The following HDAC9 variants were observed in gnomAD, a reference collection of about 807,000 sequenced individuals.
HDAC9 encodes the protein MEF-2 interacting transcription repressor (MITR) protein.
HDAC9 carries 41 observed loss-of-function variants against 139.4 expected under a neutral mutation model. The ratio of observed to expected loss-of-function variants is 0.29; its 90% CI spans 0.23 to 0.38. The LOEUF is 0.38. HDAC9 is among the 10% of genes least tolerant of loss of function. HDAC9 has a pLI of 1.00. For synonymous variants in HDAC9, 517 were observed against 476.2 expected, an observed-to-expected ratio of 1.09 and a Z score of -1.12; for missense variants, 1,147 against 1,297.0, an observed-to-expected ratio of 0.88 and a Z score of 1.78.
chr7:18,771,789 GACC>G (rs1790318557), intron 16 of HDAC9, among the ~76,000 whole-genome samples: 1 of 152,048 alleles, frequency 6.6e-6, no homozygotes. Flanking sequence ...TTTGTTTTAT[GACC>G]ACATCTATGG....
At chr7:18,312,652 C>G (rs1348736934) in intron 1 of HDAC9, among the ~76,000 whole-genome samples, 1 of 152,100 alleles carries the variant, frequency 6.6e-6, no homozygotes, top group Non-Finnish European at 1.5e-5. Flanking sequence ...AGAAGCTTCA[C>G]AACTCTCTGG....
chr7:18,181,571 C>T (rs1445416906), intron 2 of HDAC9, among the ~76,000 whole-genome samples: 1 of 152,126 alleles, frequency 6.6e-6, no homozygotes, highest in Non-Finnish European at 1.5e-5. Context: ...TCAAAGCACG[C>T]ATCAGCTTAA....
intron 17 of HDAC9, among the ~76,000 whole-genome samples, chr7:18,821,045 T>G (rs1018184306): frequency 6.6e-6 from 1 of 152,198 alleles, no homozygotes; most frequent in Non-Finnish European, 1.5e-5. Flanking sequence ...TGTGAGGTCT[T>G]TCTCTGCCTC....
chr7:18,532,210 A>C (rs984750701), intron 2 of HDAC9, among the ~76,000 whole-genome samples: 2 of 152,140 alleles, frequency 1.3e-5, no homozygotes, highest in Non-Finnish European at 2.9e-5. Context: ...AGATCACACC[A>C]CTGCAGTCCA....
intron 2 of HDAC9, among the ~76,000 whole-genome samples, chr7:18,172,717 T>C (rs1788548947): frequency 6.6e-6 from 1 of 152,230 alleles, no homozygotes; most frequent in Admixed American, 6.5e-5. Context: ...TACCCAGTAG[T>C]CATTCAGGAG....
chr7:18,341,929 A>T (rs1782044648), intron 1 of HDAC9, among the ~76,000 whole-genome samples: 1 of 151,850 alleles, frequency 6.6e-6, no homozygotes, highest in Non-Finnish European at 1.5e-5. Flanking sequence ...AGGCATGACT[A>T]GAGTAATGCT....
At chr7:18,668,556 C>G (rs1043565989) in intron 12 of HDAC9, 1 of 975,518 alleles carries the variant, frequency 1.0e-6, no homozygotes, top group African/African-American at 1.8e-5. Context: ...TTTATAATGT[C>G]ATTTGAGAGA....
At chr7:18,513,013 A>T (rs1226128264) in intron 2 of HDAC9, among the ~76,000 whole-genome samples, 2 of 152,244 alleles carry the variant, frequency 1.3e-5, no homozygotes, top group East Asian at 1.9e-4. Context: ...TTGCATCACA[A>T]ATCAATGGAA....
intron 23 of HDAC9, among the ~76,000 whole-genome samples, chr7:18,937,287 C>T (rs1299259717): frequency 3.3e-5 from 5 of 152,068 alleles, no homozygotes; most frequent in Admixed American, 6.6e-5. Context: ...ATCTGCCCGC[C>T]TCGGCCTCCC....
chr7:18,894,636 G>C (rs577899970), intron 22 of HDAC9, among the ~76,000 whole-genome samples: 1 of 152,160 alleles, frequency 6.6e-6, no homozygotes, highest in Non-Finnish European at 1.5e-5. Context: ...TTATTCTAAC[G>C]GGGAAGAGAT....
At chr7:18,267,723 C>T (rs999615227) in intron 2 of HDAC9, among the ~76,000 whole-genome samples, 21 of 152,026 alleles carry the variant, frequency 1.4e-4, no homozygotes, top group African/African-American at 5.1e-4. Flanking sequence ...TCATTTCATA[C>T]TTTGGCTGTT....
rs537813777 is a variant in HDAC9, at chr7:18,921,901, A to G, written c.2804-13908A>G. Among the ~76,000 whole-genome samples the G allele has an allele frequency of 2.8e-4, 43 of 152,280 alleles. No individual in the cohort carries two copies. The South Asian group carries it at 8.5e-3, about 30-fold the overall frequency. On this transcript the variant is annotated intron_variant, in intron 22 of 25. Coordinates refer to ENST00000686413, the MANE Select transcript of HDAC9 (RefSeq NM_178425.4). ...CACTATGGAATACTATGCAGCCATAACAAAGGATGAGTTCATGTCCTTTGT... is the reference window on the plus strand; with the variant it reads ...CACTATGGAATACTATGCAGCCATAGCAAAGGATGAGTTCATGTCCTTTGT...
At chr7:18,732,931 A>ATACACACGTGTATGTGTG (rs1786415806) in intron 13 of HDAC9, among the ~76,000 whole-genome samples, 1 of 74,730 alleles carries the variant, frequency 1.3e-5, no homozygotes, top group Non-Finnish European at 2.9e-5. Flanking sequence ...ACACGTGTGT[A>ATACACACGTGTATGTGTG]TGTATGTGTA....
At chr7:18,915,779 TAACAACAAC>T (rs370992123) in intron 22 of HDAC9, among the ~76,000 whole-genome samples, 1 of 151,706 alleles carries the variant, frequency 6.6e-6, no homozygotes, top group African/African-American at 2.4e-5. Context: ...ATTTTTTCCC[TAACAACAAC>T]AACAACAACA....
intron 16 of HDAC9, among the ~76,000 whole-genome samples, chr7:18,787,586 G>A (rs1190115682): frequency 6.6e-6 from 1 of 152,144 alleles, no homozygotes; most frequent in Non-Finnish European, 1.5e-5. Flanking sequence ...ATAAAGCAAG[G>A]CTTGGTAAAG....
intron 21 of HDAC9, among the ~76,000 whole-genome samples, chr7:18,845,131 G>T (rs1410164014): frequency 2.0e-5 from 3 of 152,072 alleles, no homozygotes; most frequent in Admixed American, 1.3e-4. Flanking sequence ...ATTTAGTTTG[G>T]TTTTTTGAGG....
At chr7:18,438,478 C>A (rs954642469) in intron 1 of HDAC9, among the ~76,000 whole-genome samples, 2 of 152,140 alleles carry the variant, frequency 1.3e-5, no homozygotes, top group South Asian at 2.1e-4. Flanking sequence ...AATATTTATA[C>A]ATTTCTTCAG....
intron 12 of HDAC9, among the ~76,000 whole-genome samples, chr7:18,715,898 A>G (rs1784663437): frequency 6.6e-6 from 1 of 152,172 alleles, no homozygotes; most frequent in African/African-American, 2.4e-5. Context: ...TTTACACACA[A>G]CTTCAGGAGT....
At chr7:18,688,632 A>G (rs28520008) in intron 12 of HDAC9, among the ~76,000 whole-genome samples, 1,682 of 151,968 alleles carry the variant, frequency 0.011, 47 homozygotes, top group African/African-American at 0.039. Flanking sequence ...CCTTCTTCCA[A>G]TACACAATTA....
Sources: allele counts gnomAD v4.1 joint callset (sites outside exome capture counted in the v4.1 genomes callset), GRCh38; gene constraint gnomAD v4.1.1; transcripts MANE v1.5; gene names NCBI Gene and HGNC (gene_info 2026-07-23, HGNC 2026-07-21).